The following ZNF804A variants were observed in gnomAD, a reference collection of about 807,000 sequenced individuals.
ZNF804A encodes the protein zinc finger protein 804A.
A neutral mutation model predicts 16.5 loss-of-function variants in ZNF804A; 2 were observed. The ratio of observed to expected loss-of-function variants is 0.12; its 90% CI spans 0.05 to 0.38. The LOEUF (loss-of-function observed/expected upper bound fraction) is 0.38, where lower values mean the gene tolerates loss of function less well. ZNF804A is among the 10% of genes least tolerant of loss of function. ZNF804A has a pLI of 0.99. For missense variants in ZNF804A, 1,473 were observed against 1,390.7 expected, an observed-to-expected ratio of 1.06 and a Z score of -0.94; for synonymous variants, 534 against 489.6, an observed-to-expected ratio of 1.09 and a Z score of -1.20.
chr2:184,853,656 C>T lies in ZNF804A; in HGVS notation c.112-12713C>T, dbSNP rs543629516. ...TTCTGCATCTATTGAAATGATCATACGGTTTTTGACCTTCTTTCTATTAAT... is the reference window on the plus strand; with the variant it reads ...TTCTGCATCTATTGAAATGATCATATGGTTTTTGACCTTCTTTCTATTAAT... On this transcript the variant is annotated intron_variant, in intron 1 of 3. Transcript: ENST00000302277. 2.0e-4 allele frequency among the ~76,000 whole-genome samples: 31 copies of T among 151,806 alleles called. No individual in the cohort carries two copies. The East Asian group carries it at 2.9e-3, about 14-fold the overall frequency.
At position 184,936,436 on chromosome 2, in the gene ZNF804A, C is replaced by G; in HGVS notation, c.1040C>G (p.Pro347Arg). 6.2e-7 allele frequency: 1 copy of G among 1,613,860 alleles called. No homozygotes were observed. The highest frequency in any genetic ancestry group is 1.1e-5 in the South Asian group (1 of 91,070). ...LESVVINEDIPVSGNSFELLG... is the reference protein window; with the variant it reads ...LESVVINEDIRVSGNSFELLG... The stretch of plus-strand genomic sequence containing the variant: ...AGTGTTGTTATTAATGAAGACATAC[C>G]TGTTAGTGGTAACAGTTTTGAGTTG... Residue 347 changes from proline to arginine, a missense_variant, in exon 4 of 4, where the codon CCT becomes CGT. Coordinates refer to ENST00000302277, the MANE Select transcript of ZNF804A (RefSeq NM_194250.2).
At chr2:184,910,869 A>G (rs1685344966) in intron 2 of ZNF804A, among the ~76,000 whole-genome samples, 1 of 151,980 alleles carries the variant, frequency 6.6e-6, no homozygotes, top group African/African-American at 2.4e-5. Flanking sequence ...TAGATTCATG[A>G]TATTAGACCT....
At chr2:184,624,622 G>T (rs1238246928) in intron 1 of ZNF804A, among the ~76,000 whole-genome samples, 1 of 152,034 alleles carries the variant, frequency 6.6e-6, no homozygotes, top group African/African-American at 2.4e-5. Flanking sequence ...ACTAAAAAAT[G>T]GGGCTCCATT....
intron 1 of ZNF804A, among the ~76,000 whole-genome samples, chr2:184,840,545 T>C (rs1230239081): frequency 6.6e-6 from 1 of 152,120 alleles, no homozygotes; most frequent in East Asian, 1.9e-4. Flanking sequence ...TCATTTTTAA[T>C]TAATTCAAAC....
intron 1 of ZNF804A, among the ~76,000 whole-genome samples, chr2:184,646,442 C>T (rs1691873541): frequency 6.6e-6 from 1 of 152,150 alleles, no homozygotes; most frequent in Non-Finnish European, 1.5e-5. Flanking sequence ...GTGGTTTATG[C>T]CCAGGCAGAG....
intron 1 of ZNF804A, among the ~76,000 whole-genome samples, chr2:184,793,069 C>T (rs1304446695): frequency 2.6e-5 from 4 of 152,064 alleles, no homozygotes; most frequent in African/African-American, 4.8e-5. Flanking sequence ...TTGTGGCTTC[C>T]AGCTCCATCC....
At chr2:184,898,029 T>C (rs1251748255) in intron 2 of ZNF804A, among the ~76,000 whole-genome samples, 1 of 152,164 alleles carries the variant, frequency 6.6e-6, no homozygotes. Flanking sequence ...AGCTTTTTAT[T>C]TTCTTACTGT....
chr2:184,794,386 A>G (rs1019189023), intron 1 of ZNF804A, among the ~76,000 whole-genome samples: 3 of 151,820 alleles, frequency 2.0e-5, no homozygotes, highest in Non-Finnish European at 2.9e-5. Flanking sequence ...ATGATTGTCT[A>G]TTCATGTCCT....
chr2:184,937,771 C>T lies in ZNF804A; in HGVS notation c.2375C>T (p.Pro792Leu), dbSNP rs768777193. The change falls in exon 4 of 4, where the codon CCA becomes CTA. Residue 792 changes from proline (P) to leucine (L), a missense_variant. Coordinates refer to ENST00000302277, the MANE Select transcript of ZNF804A (RefSeq NM_194250.2). ...AGTTTAAATCGACAGAATCATTTAC[C>T]AGAAGAATTTTTGAGGCCACCAAGT... is the stretch of plus-strand genomic sequence containing the variant. Reference protein sequence around the residue: ...DESLNRQNHLPEEFLRPPSTS... With the variant: ...DESLNRQNHLLEEFLRPPSTS... The T allele has an allele frequency of 1.9e-6, 3 of 1,613,800 alleles. No homozygotes were observed. Among genetic ancestry groups the T allele is most frequent in the African/African-American group, 1.3e-5 (1 of 74,886 alleles).
chr2:184,730,435 C>A (rs77288136), intron 1 of ZNF804A, among the ~76,000 whole-genome samples: 2,074 of 152,240 alleles, frequency 0.014, 58 homozygotes, highest in African/African-American at 0.047. Flanking sequence ...GTTATACATT[C>A]TATGGGTTTT....
intron 2 of ZNF804A, among the ~76,000 whole-genome samples, chr2:184,915,748 G>A (rs184453005): frequency 2.0e-5 from 3 of 152,064 alleles, no homozygotes; most frequent in East Asian, 1.9e-4. Context: ...TCTAAAGAAC[G>A]AGAGGCCTTG....
intron 2 of ZNF804A, among the ~76,000 whole-genome samples, chr2:184,870,842 A>T (rs1452988187): frequency 1.3e-5 from 2 of 152,026 alleles, no homozygotes; most frequent in Non-Finnish European, 2.9e-5. Context: ...TGAATGAGTT[A>T]TTCGAACATT....
At chr2:184,645,501 T>C (rs928619395) in intron 1 of ZNF804A, among the ~76,000 whole-genome samples, 1 of 152,228 alleles carries the variant, frequency 6.6e-6, no homozygotes, top group Non-Finnish European at 1.5e-5. Flanking sequence ...ATTCATTTAT[T>C]AGATATAGCT....
chr2:184,661,285 G>T (rs1438954649), intron 1 of ZNF804A, among the ~76,000 whole-genome samples: 1 of 152,072 alleles, frequency 6.6e-6, no homozygotes, highest in African/African-American at 2.4e-5. Flanking sequence ...TTCTGCTATA[G>T]TTCAACGAGT....
chr2:184,670,081 A>AT (rs1692319299), intron 1 of ZNF804A, among the ~76,000 whole-genome samples: 1 of 152,086 alleles, frequency 6.6e-6, no homozygotes, highest in Non-Finnish European at 1.5e-5. Flanking sequence ...TTTGTGAAGC[A>AT]TTTTGAAGAT....
chr2:184,859,071 C>A (rs184949976), intron 1 of ZNF804A, among the ~76,000 whole-genome samples: 1 of 152,108 alleles, frequency 6.6e-6, no homozygotes, highest in Non-Finnish European at 1.5e-5. Flanking sequence ...TTTTTTATTG[C>A]TGCTTTCAGG....
At chr2:184,602,647 T>C (rs1691068263) in intron 1 of ZNF804A, among the ~76,000 whole-genome samples, 1 of 152,030 alleles carries the variant, frequency 6.6e-6, no homozygotes, top group South Asian at 2.1e-4. Flanking sequence ...TAATATGTAA[T>C]TTGGGATTTG....
At chr2:184,880,329 GC>G (rs527407090) in intron 2 of ZNF804A, among the ~76,000 whole-genome samples, 150 of 152,104 alleles carry the variant, frequency 9.9e-4, no homozygotes, top group African/African-American at 3.6e-3. Flanking sequence ...ATGCAGCTTA[GC>G]TTTTTTTATT....
chr2:184,915,518 A>G (rs1685434466), intron 2 of ZNF804A, among the ~76,000 whole-genome samples: 2 of 152,102 alleles, frequency 1.3e-5, no homozygotes, highest in African/African-American at 4.8e-5. Context: ...AAAGCCTCCT[A>G]TTCTATTAAG....
Sources: gnomAD v4.1 joint callset for allele counts (sites outside exome capture counted in the v4.1 genomes callset) on GRCh38, gnomAD v4.1.1 for gene constraint, MANE v1.5 for transcripts, NCBI Gene and HGNC (gene_info 2026-07-23, HGNC 2026-07-21) for gene names.